The following LRP1B variants were observed in gnomAD, a reference collection of about 807,000 sequenced individuals.
LRP1B encodes LDL receptor related protein 1B.
A neutral mutation model predicts 556.6 loss-of-function variants in LRP1B; 217 were observed. The observed-to-expected ratio is 0.39, with a 90% CI of 0.35 to 0.44. The LOEUF (loss-of-function observed/expected upper bound fraction) is 0.44, where lower values mean the gene tolerates loss of function less well. LRP1B is among the 20% of genes least tolerant of loss of function. The pLI is 1.00. For missense variants in LRP1B, 5,053 were observed against 5,620.8 expected (o/e 0.90, Z 3.23); for synonymous variants, 2,047 against 1,865.8 (o/e 1.10, Z -2.50).
chr2:140,385,874 T>C lies in LRP1B; in HGVS notation c.10531+19A>G. Reference sequence around the variant, plus strand: ...ATGGGCTGTCAAGCTCAAAACATTATTAGGCAAGAGTTACTTACTACAGTT... The same window carrying C: ...ATGGGCTGTCAAGCTCAAAACATTACTAGGCAAGAGTTACTTACTACAGTT... On this transcript the variant is annotated intron_variant, in intron 67 of 90. Transcript: ENST00000389484. 2 of 1,526,976 alleles carry C rather than the reference T, an allele frequency of 1.3e-6. No homozygotes were observed. The highest frequency in any genetic ancestry group is 1.8e-6 in the Non-Finnish European group (2 of 1,101,382). The allele number at this position is 1,526,976 out of a possible 1,614,324, so 94.6% of individuals were successfully genotyped here.
chr2:141,405,126 T>TGAA (rs1690588936), intron 3 of LRP1B, among the ~76,000 whole-genome samples: 1 of 151,900 alleles, frequency 6.6e-6, no homozygotes, highest in Non-Finnish European at 1.5e-5. Flanking sequence ...AACAAAACCA[T>TGAA]GAAGAACAGA....
chr2:141,406,877 A>C (rs1690662639), intron 3 of LRP1B, among the ~76,000 whole-genome samples: 1 of 152,154 alleles, frequency 6.6e-6, no homozygotes, highest in Non-Finnish European at 1.5e-5. Flanking sequence ...ACATCAACTT[A>C]TCCTATGATG....
chr2:140,849,988 A>G (rs111764809), intron 29 of LRP1B, 114 bp downstream of exon 29: 3 of 687,456 alleles, frequency 4.4e-6, no homozygotes, highest in African/African-American at 3.6e-5. Flanking sequence ...ATCAATTCTA[A>G]CTTTCAATTA....
chr2:141,574,747 C>A (rs1327733399), intron 2 of LRP1B, among the ~76,000 whole-genome samples: 1 of 152,134 alleles, frequency 6.6e-6, no homozygotes, highest in African/African-American at 2.4e-5. Context: ...TGATAAGCAT[C>A]TTCAGCAAGT....
At chr2:141,372,136 T>C (rs1689249798) in intron 3 of LRP1B, among the ~76,000 whole-genome samples, 2 of 152,134 alleles carry the variant, frequency 1.3e-5, no homozygotes, top group African/African-American at 4.8e-5. Context: ...GTTTTTTTCA[T>C]GTGATTTTGA....
chr2:141,971,921 A>G (rs1701751705), intron 1 of LRP1B, among the ~76,000 whole-genome samples: 1 of 151,434 alleles, frequency 6.6e-6, no homozygotes, highest in Admixed American at 6.6e-5. Flanking sequence ...TACCTAATCT[A>G]TCATCCGTGC....
intron 3 of LRP1B, among the ~76,000 whole-genome samples, chr2:141,271,017 G>A (rs993212187): frequency 1.6e-4 from 24 of 151,900 alleles, no homozygotes; most frequent in African/African-American, 4.8e-4. Flanking sequence ...TAAAGGGAAT[G>A]AATGCCCCAT....
intron 2 of LRP1B, among the ~76,000 whole-genome samples, chr2:141,481,592 T>A (rs1682919860): frequency 6.6e-6 from 1 of 152,176 alleles, no homozygotes; most frequent in Non-Finnish European, 1.5e-5. Flanking sequence ...TAAGCCTACC[T>A]CGTAGGGTTG....
chr2:142,005,124 CTATATAGTATA>C (rs941916355), intron 1 of LRP1B, among the ~76,000 whole-genome samples: 7 of 148,162 alleles, frequency 4.7e-5, no homozygotes, highest in African/African-American at 1.7e-4. Context: ...CTATATATAA[CTATATAGTATA>C]TATGTACTGC....
At chr2:141,833,223 TAA>T (rs1347833337) in intron 1 of LRP1B, among the ~76,000 whole-genome samples, 1 of 151,784 alleles carries the variant, frequency 6.6e-6, no homozygotes, top group Admixed American at 6.6e-5. Flanking sequence ...TTCTACAACA[TAA>T]AGTATATAAT....
chr2:141,592,342 G>A (rs574042069), intron 2 of LRP1B, among the ~76,000 whole-genome samples: 2 of 152,124 alleles, frequency 1.3e-5, no homozygotes, highest in Non-Finnish European at 2.9e-5. Context: ...CAGATTTGAT[G>A]TCTGGTAAGG....
chr2:140,863,441 C>T (rs138134339), intron 27 of LRP1B, among the ~76,000 whole-genome samples: 3 of 152,172 alleles, frequency 2.0e-5, no homozygotes, highest in African/African-American at 4.8e-5. Context: ...TAACGCCCCC[C>T]AATATGTGTT....
chr2:141,755,451 A>G (rs1267800539), intron 2 of LRP1B, among the ~76,000 whole-genome samples: 4 of 152,066 alleles, frequency 2.6e-5, no homozygotes, highest in African/African-American at 9.7e-5. Context: ...AATTAATACA[A>G]CCATATGTTA....
chr2:140,853,003 G>GT (rs1489460690), intron 27 of LRP1B, among the ~76,000 whole-genome samples: 2 of 152,034 alleles, frequency 1.3e-5, no homozygotes, highest in Admixed American at 6.6e-5. Context: ...CTCATGAGTG[G>GT]TATCTTCCAA....
intron 78 of LRP1B, among the ~76,000 whole-genome samples, 156 bp downstream of exon 78, chr2:140,335,459 A>T (rs978124526): frequency 6.6e-6 from 1 of 152,010 alleles, no homozygotes; most frequent in African/African-American, 2.4e-5. Flanking sequence ...TATGAATAGG[A>T]CATGCTTTTT....
At chr2:141,439,657 T>C (rs1680886717) in intron 3 of LRP1B, among the ~76,000 whole-genome samples, 1 of 152,100 alleles carries the variant, frequency 6.6e-6, no homozygotes, top group Non-Finnish European at 1.5e-5. Context: ...AGTTAATCAG[T>C]ATAAGGAGTT....
chr2:141,050,270 T>G (rs1463818545), intron 10 of LRP1B, among the ~76,000 whole-genome samples: 1 of 151,916 alleles, frequency 6.6e-6, no homozygotes, highest in Non-Finnish European at 1.5e-5. Context: ...TATATTTCTT[T>G]TCTTGTGTTT....
At chr2:141,273,233 C>G (rs1161837475) in intron 3 of LRP1B, among the ~76,000 whole-genome samples, 2 of 151,822 alleles carry the variant, frequency 1.3e-5, no homozygotes, top group Admixed American at 1.3e-4. Context: ...CACTTGTACC[C>G]AGGAGGTAGG....
chr2:140,600,766 G>GTTTTTTTTTTTTTTTT (rs1558996101), intron 42 of LRP1B, among the ~76,000 whole-genome samples: 1 of 46,174 alleles, frequency 2.2e-5, no homozygotes, highest in Non-Finnish European at 4.3e-5. Flanking sequence ...TGTTCTTCGG[G>GTTTTTTTTTTTTTTTT]GTTTTTTTTT....
Sources: allele counts gnomAD v4.1 joint callset (sites outside exome capture counted in the v4.1 genomes callset), GRCh38; gene constraint gnomAD v4.1.1; transcripts MANE v1.5; gene names NCBI Gene and HGNC (gene_info 2026-07-23, HGNC 2026-07-21).